The following CCDC146 variants were observed in gnomAD, a reference collection of about 807,000 sequenced individuals.
The protein encoded by CCDC146 is coiled-coil domain-containing protein 146.
In CCDC146, 92 loss-of-function variants were observed where a neutral mutation model predicts 119.3. The observed-to-expected ratio is 0.77, with a 90% CI of 0.65 to 0.92. CCDC146 has a LOEUF of 0.92. Among genes scored for constraint, CCDC146 ranks in the 40% least tolerant of loss-of-function variants. The pLI is 0.00. For missense variants in CCDC146, 1,000 were observed against 1,103.0 expected (o/e 0.91, Z 1.32); for synonymous variants, 372 against 371.8 (o/e 1.00, Z -0.01).
chr7:77,287,650 G>T, intron 17 of CCDC146, 73 bp downstream of exon 17: 1 of 1,504,374 alleles, frequency 6.6e-7, no homozygotes, highest in South Asian at 1.2e-5. Context: ...CAGACCGACA[G>T]ATTTATTGAG....
intron 1 of CCDC146, among the ~76,000 whole-genome samples, chr7:77,161,931 G>T (rs530918626): frequency 3.3e-5 from 5 of 152,136 alleles, no homozygotes; most frequent in Admixed American, 3.3e-4. Context: ...GTACTTGTTG[G>T]CCATTTGTAT....
At chr7:77,153,190 G>A (rs1431467320) in intron 1 of CCDC146, among the ~76,000 whole-genome samples, 2 of 152,204 alleles carry the variant, frequency 1.3e-5, no homozygotes, top group African/African-American at 4.8e-5. Context: ...GAAATCAGTG[G>A]TGGGAAGCAG....
intron 2 of CCDC146, among the ~76,000 whole-genome samples, chr7:77,184,939 A>G (rs1272757171): frequency 6.6e-6 from 1 of 152,222 alleles, no homozygotes; most frequent in Non-Finnish European, 1.5e-5. Flanking sequence ...GGATTCACAC[A>G]GAAAGTCATG....
At chr7:77,135,186 A>T (rs1208816543) in intron 1 of CCDC146, among the ~76,000 whole-genome samples, 2 of 152,196 alleles carry the variant, frequency 1.3e-5, no homozygotes, top group East Asian at 3.8e-4. Flanking sequence ...AAGTGTTTTG[A>T]GTCTTTATTT....
At chr7:77,270,984 G>T (rs1584131771) in intron 9 of CCDC146, among the ~76,000 whole-genome samples, 1 of 149,422 alleles carries the variant, frequency 6.7e-6, no homozygotes, top group East Asian at 2.0e-4. Flanking sequence ...TCATTGGCTT[G>T]TCTTAGCTCA....
intron 1 of CCDC146, among the ~76,000 whole-genome samples, chr7:77,151,015 A>C (rs151146402): frequency 0.011 from 1,618 of 152,242 alleles, 23 homozygotes; most frequent in African/African-American, 0.037. Flanking sequence ...TGGCTTATAA[A>C]CAACATAAAT....
chr7:77,161,240 G>A (rs1357644612), intron 1 of CCDC146, among the ~76,000 whole-genome samples: 1 of 152,140 alleles, frequency 6.6e-6, no homozygotes, highest in Non-Finnish European at 1.5e-5. Context: ...GATTCCTCAA[G>A]GATCTAGAAC....
chr7:77,177,183 T>C (rs934902444), intron 2 of CCDC146, among the ~76,000 whole-genome samples: 10 of 152,154 alleles, frequency 6.6e-5, no homozygotes, highest in Non-Finnish European at 1.3e-4. Context: ...TTGCTGACGC[T>C]ACTAAAGCTT....
At chr7:77,200,208 C>T (rs1009746772) in intron 2 of CCDC146, among the ~76,000 whole-genome samples, 11 of 152,122 alleles carry the variant, frequency 7.2e-5, no homozygotes, top group African/African-American at 2.4e-4. Context: ...AGAACAGAAA[C>T]GTTACTAAAA....
intron 11 of CCDC146, among the ~76,000 whole-genome samples, chr7:77,277,664 A>T (rs190375438): frequency 6.6e-6 from 1 of 152,302 alleles, no homozygotes; most frequent in Admixed American, 6.5e-5. Context: ...CTGTTTTATT[A>T]TTCATGTGTA....
chr7:77,238,476 GC>G (rs1274386003), intron 3 of CCDC146, among the ~76,000 whole-genome samples: 1 of 152,000 alleles, frequency 6.6e-6, no homozygotes, highest in Non-Finnish European at 1.5e-5. Flanking sequence ...GAGTGCAGTG[GC>G]CTGGTCTTGG....
At chr7:77,177,181 G>A (rs924902262) in intron 2 of CCDC146, among the ~76,000 whole-genome samples, 14 of 152,072 alleles carry the variant, frequency 9.2e-5, no homozygotes, top group Admixed American at 1.3e-4. Context: ...ATTTGCTGAC[G>A]CTACTAAAGC....
At chr7:77,274,836 C>T (rs1473760262) in intron 11 of CCDC146, among the ~76,000 whole-genome samples, 184 bp downstream of exon 11, 3 of 152,042 alleles carry the variant, frequency 2.0e-5, no homozygotes, top group African/African-American at 7.2e-5. Flanking sequence ...AATGAGAACA[C>T]TTGGACACAG....
chr7:77,220,398 T>C (rs767250221), intron 2 of CCDC146, among the ~76,000 whole-genome samples: 5 of 152,188 alleles, frequency 3.3e-5, no homozygotes, highest in Non-Finnish European at 7.4e-5. Context: ...CAAACACACA[T>C]GTTTTACAAA....
At chr7:77,292,360 A>C (rs978239794) in intron 17 of CCDC146, among the ~76,000 whole-genome samples, 1 of 148,956 alleles carries the variant, frequency 6.7e-6, no homozygotes, top group African/African-American at 2.5e-5. Context: ...TCACGCCTGT[A>C]ATCCCAGCAC....
At position 77,181,432 on chromosome 7, in the gene CCDC146, G is replaced by T. The variant is rs185820172; in HGVS notation, c.156+13608G>T. 9.9e-5 allele frequency among the ~76,000 whole-genome samples: 15 copies of T among 152,210 alleles called. No homozygotes were observed. In the East Asian group the frequency reaches 2.5e-3, roughly 25 times the overall value. Reference sequence around the variant, plus strand: ...AGGGAGGAGGAGATGAAGAAGGCAGGTGACTCAGACATAATATATTATCAG... The same window carrying T: ...AGGGAGGAGGAGATGAAGAAGGCAGTTGACTCAGACATAATATATTATCAG... On this transcript the variant is annotated intron_variant, in intron 2 of 18. Coordinates refer to ENST00000285871, the MANE Select transcript of CCDC146 (RefSeq NM_020879.3).
chr7:77,287,482 A>G lies in CCDC146; in HGVS notation c.2320A>G (p.Lys774Glu). 6.2e-7 allele frequency: 1 copy of G among 1,614,106 alleles called. No homozygotes were observed. Residue 774 changes from lysine (K) to glutamate (E), a missense_variant, in exon 17 of 19, where the codon AAG (lysine) becomes GAG (glutamate). Physicochemically the swap from Lys to Glu is moderately conservative, Grantham distance 56. Transcript: ENST00000285871. ...LAKKEEKLLE[K>E]DFIYEQVSRL... ...CAAGAAGGAGGAGAAGCTGCTGGAGAAGGATTTCATCTATGAGCAGGTCTC... is the reference window on the plus strand; with the variant it reads ...CAAGAAGGAGGAGAAGCTGCTGGAGGAGGATTTCATCTATGAGCAGGTCTC...
At chr7:77,126,675 G>C (rs1340269656) in intron 1 of CCDC146, among the ~76,000 whole-genome samples, 2 of 152,096 alleles carry the variant, frequency 1.3e-5, no homozygotes, top group Admixed American at 6.5e-5. Flanking sequence ...AGAGACGGTA[G>C]CTCCTTTCTG....
intron 2 of CCDC146, among the ~76,000 whole-genome samples, chr7:77,174,935 TTCAA>T (rs537729973): frequency 9.1e-4 from 139 of 152,314 alleles, no homozygotes; most frequent in Admixed American, 3.0e-3. Flanking sequence ...AGTAAAGACC[TTCAA>T]TCAGTTTTCC....
Sources: allele counts gnomAD v4.1 joint callset (sites outside exome capture counted in the v4.1 genomes callset), GRCh38; gene constraint gnomAD v4.1.1; transcripts MANE v1.5; gene names NCBI Gene and HGNC (gene_info 2026-07-23, HGNC 2026-07-21).